SYNPR: variants seen among roughly 807,000 people sequenced by gnomAD.
The protein encoded by SYNPR is synaptoporin.
A neutral mutation model predicts 32.9 loss-of-function variants in SYNPR; 23 were observed. The ratio of observed to expected loss-of-function variants is 0.70; its 90% CI spans 0.50 to 0.99. SYNPR has a LOEUF of 0.99. Ranked by LOEUF, SYNPR falls within the 50% of genes least tolerant of loss-of-function variation. The pLI is 0.00. For synonymous variants in SYNPR, 146 were observed against 135.9 expected (o/e 1.07, Z -0.52); for missense variants, 318 against 349.3 (o/e 0.91, Z 0.71).
At chr3:63,240,667 G>A (rs772214609) in intron 1 of SYNPR, among the ~76,000 whole-genome samples, 3 of 152,136 alleles carry the variant, frequency 2.0e-5, no homozygotes, top group African/African-American at 7.2e-5. Flanking sequence ...AATGAAGGGA[G>A]ATATCCATCA....
At chr3:63,217,709 C>T in the SYNPR span, among the ~76,000 whole-genome samples, 1 of 152,130 alleles carries the variant, frequency 6.6e-6, no homozygotes, top group African/African-American at 2.4e-5. Context: ...GGAGCTGTTC[C>T]TATTCCTTGA....
intron 2 of SYNPR, among the ~76,000 whole-genome samples, chr3:63,256,929 C>T (rs1403168724): frequency 6.6e-6 from 1 of 152,098 alleles, no homozygotes; most frequent in East Asian, 1.9e-4. Context: ...AATGCACAAG[C>T]CTCAGCAGCC....
intron 3 of SYNPR, among the ~76,000 whole-genome samples, chr3:63,524,858 T>TGTGTGC (rs1701980447): frequency 6.7e-6 from 1 of 150,154 alleles, no homozygotes; most frequent in African/African-American, 2.5e-5. Context: ...TGTGCATGTG[T>TGTGTGC]GTGTGTGTGT....
At chr3:63,398,848 A>G (rs2088253086) in intron 2 of SYNPR, among the ~76,000 whole-genome samples, 1 of 152,230 alleles carries the variant, frequency 6.6e-6, no homozygotes, top group South Asian at 2.1e-4. Flanking sequence ...CAGATGGTGA[A>G]CTGGGAAGAA....
At chr3:63,267,382 T>G (rs1244680037) in exon 3 of SYNPR, 1 of 152,274 alleles carries the variant, frequency 6.6e-6, no homozygotes. Flanking sequence ...CTGAGGGGAC[T>G]TCCAGCTGCA....
At chr3:63,283,119 G>GCA (rs2086645306) in intron 2 of SYNPR, among the ~76,000 whole-genome samples, 1 of 152,108 alleles carries the variant, frequency 6.6e-6, no homozygotes, top group African/African-American at 2.4e-5. Flanking sequence ...CTACAGTTGT[G>GCA]CACACACACA....
intron 2 of SYNPR, among the ~76,000 whole-genome samples, chr3:63,478,554 G>A (rs2106692716): frequency 6.6e-6 from 1 of 152,244 alleles, no homozygotes; most frequent in East Asian, 1.9e-4. Context: ...ACTTTAAAAT[G>A]GTCACAATGT....
chr3:63,557,829 T>G (rs548270245), intron 4 of SYNPR, among the ~76,000 whole-genome samples: 1 of 152,346 alleles, frequency 6.6e-6, no homozygotes, highest in African/African-American at 2.4e-5. Context: ...TGCTGAATCA[T>G]GTACTATTCT....
chr3:63,329,105 C>G (rs189491708), intron 2 of SYNPR, among the ~76,000 whole-genome samples: 1 of 152,146 alleles, frequency 6.6e-6, no homozygotes, highest in Non-Finnish European at 1.5e-5. Context: ...CACTTTCTCT[C>G]CACGTAAACA....
chr3:63,504,352 C>A (rs1189891316), intron 3 of SYNPR, among the ~76,000 whole-genome samples: 2 of 152,184 alleles, frequency 1.3e-5, no homozygotes, highest in East Asian at 3.9e-4. Context: ...TATTAAGTAC[C>A]AACTTGCTTT....
At chr3:63,410,102 G>A (rs1371062265) in intron 2 of SYNPR, among the ~76,000 whole-genome samples, 1 of 152,114 alleles carries the variant, frequency 6.6e-6, no homozygotes, top group Non-Finnish European at 1.5e-5. Flanking sequence ...GCTTCACCTT[G>A]CTCATTGTGA....
intron 4 of SYNPR, among the ~76,000 whole-genome samples, chr3:63,559,450 C>T: frequency 6.6e-6 from 1 of 152,172 alleles, no homozygotes; most frequent in East Asian, 1.9e-4. Context: ...AAATTAGATG[C>T]CAACTTTATA....
intron 2 of SYNPR, among the ~76,000 whole-genome samples, chr3:63,258,544 C>T (rs1331199908): frequency 6.6e-6 from 1 of 152,134 alleles, no homozygotes; most frequent in East Asian, 1.9e-4. Context: ...ACACAACATA[C>T]CAGAATCTCT....
chr3:63,221,112 T>C, the SYNPR span, among the ~76,000 whole-genome samples: 2 of 152,148 alleles, frequency 1.3e-5, no homozygotes, highest in Admixed American at 6.6e-5. Context: ...TATGAACATC[T>C]TACATTTGAG....
intron 2 of SYNPR, among the ~76,000 whole-genome samples, chr3:63,291,114 G>T (rs1280962730): frequency 6.6e-6 from 1 of 152,164 alleles, no homozygotes; most frequent in Non-Finnish European, 1.5e-5. Context: ...GAATGTACTG[G>T]ATTTGAAGCC....
At chr3:63,210,474 A>G in the SYNPR span, among the ~76,000 whole-genome samples, 1 of 152,208 alleles carries the variant, frequency 6.6e-6, no homozygotes, top group South Asian at 2.1e-4. Flanking sequence ...TCTGAGGATT[A>G]TTAGTTGCTT....
At chr3:63,301,587 T>A (rs1248910437) in intron 2 of SYNPR, among the ~76,000 whole-genome samples, 1 of 152,094 alleles carries the variant, frequency 6.6e-6, no homozygotes, top group Non-Finnish European at 1.5e-5. Context: ...ACAATTAAAA[T>A]TTCCTATACT....
chr3:63,360,763 A>G (rs1266885744), intron 2 of SYNPR, among the ~76,000 whole-genome samples: 3 of 152,180 alleles, frequency 2.0e-5, no homozygotes, highest in Admixed American at 6.5e-5. Context: ...TCAGATGCAG[A>G]GTGCCCCCTT....
intron 4 of SYNPR, among the ~76,000 whole-genome samples, chr3:63,581,208 C>T (rs1703083833): frequency 6.6e-6 from 1 of 152,144 alleles, no homozygotes; most frequent in Non-Finnish European, 1.5e-5. Context: ...ACAAACTCAA[C>T]CAGTCTCTGT....
Sources: gnomAD v4.1 joint callset for allele counts (sites outside exome capture counted in the v4.1 genomes callset) on GRCh38, gnomAD v4.1.1 for gene constraint, MANE v1.5 for transcripts, NCBI Gene and HGNC (gene_info 2026-07-23, HGNC 2026-07-21) for gene names.